The following THSD4 variants were observed in gnomAD, a reference collection of about 807,000 sequenced individuals.
The protein encoded by THSD4 is thrombospondin type 1 domain containing 4.
THSD4 carries 69 observed loss-of-function variants against 119.0 expected under a neutral mutation model. The ratio of observed to expected loss-of-function variants is 0.58; its 90% CI spans 0.48 to 0.71. The LOEUF is 0.71. THSD4 is among the 30% of genes least tolerant of loss of function. The pLI is 0.00. For synonymous variants in THSD4, 524 were observed against 540.4 expected, an observed-to-expected ratio of 0.97 and a Z score of 0.42; for missense variants, 1,393 against 1,391.1, an observed-to-expected ratio of 1.00 and a Z score of -0.02.
intron 11 of THSD4, among the ~76,000 whole-genome samples, chr15:71,738,396 A>C (rs908111439): frequency 1.4e-4 from 22 of 152,050 alleles, no homozygotes; most frequent in Admixed American, 1.2e-3. Context: ...GAAATGGCAA[A>C]CCCTCACCTC....
chr15:71,724,581 A>G (rs2052799213), intron 8 of THSD4, among the ~76,000 whole-genome samples: 1 of 26,328 alleles, frequency 3.8e-5, no homozygotes, highest in Non-Finnish European at 2.9e-3. Flanking sequence ...CACTACGCCC[A>G]GTCTTTTTTG....
intron 7 of THSD4, among the ~76,000 whole-genome samples, chr15:71,462,662 G>A (rs955643148): frequency 6.6e-6 from 1 of 152,164 alleles, no homozygotes; most frequent in Non-Finnish European, 1.5e-5. Flanking sequence ...TCTCTCTGGA[G>A]TAAAACCAAA....
chr15:71,358,709 G>A (rs1178850908), intron 6 of THSD4, among the ~76,000 whole-genome samples: 1 of 152,198 alleles, frequency 6.6e-6, no homozygotes, highest in African/African-American at 2.4e-5. Flanking sequence ...AATAGTGCCT[G>A]CTCAATTAGT....
At chr15:71,408,672 CA>C (rs2046640804) in intron 6 of THSD4, among the ~76,000 whole-genome samples, 1 of 152,022 alleles carries the variant, frequency 6.6e-6, no homozygotes, top group Admixed American at 6.6e-5. Flanking sequence ...GGCAACATGG[CA>C]AAACCCCATC....
chr15:71,450,362 A>G (rs2140579748), intron 7 of THSD4, among the ~76,000 whole-genome samples: 1 of 152,072 alleles, frequency 6.6e-6, no homozygotes, highest in African/African-American at 2.4e-5. Flanking sequence ...TTCTTGCTCT[A>G]ATTTTCACCT....
chr15:71,743,308 A>G (rs1183991966), intron 11 of THSD4, among the ~76,000 whole-genome samples: 1 of 152,228 alleles, frequency 6.6e-6, no homozygotes, highest in Non-Finnish European at 1.5e-5. Context: ...TTTGAGTGCC[A>G]AGTGGTTGAG....
intron 7 of THSD4, among the ~76,000 whole-genome samples, chr15:71,516,402 G>A (rs576707301): frequency 2.2e-4 from 33 of 152,102 alleles, no homozygotes; most frequent in African/African-American, 7.5e-4. Flanking sequence ...TTAAAATACC[G>A]TAAATCCCTG....
At chr15:71,308,671 G>A (rs537201860) in intron 6 of THSD4, among the ~76,000 whole-genome samples, 1 of 152,214 alleles carries the variant, frequency 6.6e-6, no homozygotes, top group African/African-American at 2.4e-5. Context: ...TATGGACATG[G>A]GTTGTTTCCA....
At chr15:71,729,481 T>C (rs1351385017) in intron 9 of THSD4, 1 of 152,234 alleles carries the variant, frequency 6.6e-6, no homozygotes, top group Admixed American at 6.5e-5. Flanking sequence ...CTGATTAACA[T>C]ATTTGCTGTG....
intron 6 of THSD4, among the ~76,000 whole-genome samples, chr15:71,351,199 A>G (rs3942317): frequency 0.99 from 150,978 of 152,248 alleles, 74,868 homozygotes; most frequent in Middle Eastern, 1. Context: ...ATCACAGGCC[A>G]TGAGCACTGC....
rs555153153 is a variant in THSD4 at position 71,407,714 on chromosome 15, A to T, written c.1016-3973A>T. 1.1e-4 allele frequency among the ~76,000 whole-genome samples: 16 copies of T among 152,170 alleles called. No homozygotes were observed. In the East Asian group the frequency reaches 3.1e-3, roughly 29 times the overall value. ...ATTATCTTTTAAATTCAGGCGTGGG[A>T]TCTGAATATCTTTGATTCAAAATAA... On this transcript the variant is annotated intron_variant, in intron 6 of 17. Transcript: ENST00000261862.
At chr15:71,345,577 G>A (rs1212895756) in intron 6 of THSD4, among the ~76,000 whole-genome samples, 1 of 152,200 alleles carries the variant, frequency 6.6e-6, no homozygotes, top group African/African-American at 2.4e-5. Context: ...GATCTCTGGG[G>A]TGGCTTCTCT....
At chr15:71,642,979 G>T (rs1407714119) in intron 7 of THSD4, among the ~76,000 whole-genome samples, 1 of 152,028 alleles carries the variant, frequency 6.6e-6, no homozygotes, top group Non-Finnish European at 1.5e-5. Flanking sequence ...AAGAGTCTAG[G>T]TTCTGGGACT....
chr15:71,713,930 C>T (rs997678230), intron 8 of THSD4, among the ~76,000 whole-genome samples: 7 of 152,072 alleles, frequency 4.6e-5, no homozygotes, highest in Non-Finnish European at 5.9e-5. Flanking sequence ...TGTCCAGTTG[C>T]CCCCACACCT....
At chr15:71,439,134 G>A (rs2047054425) in intron 7 of THSD4, among the ~76,000 whole-genome samples, 1 of 152,160 alleles carries the variant, frequency 6.6e-6, no homozygotes, top group African/African-American at 2.4e-5. Flanking sequence ...ATTTGACATG[G>A]AAAAACAAAT....
chr15:71,256,213 G>A (rs1196446478), intron 5 of THSD4, among the ~76,000 whole-genome samples: 4 of 152,130 alleles, frequency 2.6e-5, no homozygotes, highest in Non-Finnish European at 5.9e-5. Flanking sequence ...GGTGGCTGAC[G>A]CCTGTAATCC....
chr15:71,250,855 G>A (rs1023721914), intron 5 of THSD4, among the ~76,000 whole-genome samples: 1 of 152,060 alleles, frequency 6.6e-6, no homozygotes, highest in African/African-American at 2.4e-5. Context: ...TTGGGGCTTT[G>A]ATGTAGGTAT....
intron 7 of THSD4, among the ~76,000 whole-genome samples, chr15:71,447,118 G>GTTTTTTTTTTTT (rs1555414736): frequency 1.3e-5 from 1 of 76,070 alleles, no homozygotes; most frequent in African/African-American, 4.7e-5. Flanking sequence ...CATTTTTTTT[G>GTTTTTTTTTTTT]TTTTTTTTTT....
chr15:71,726,659 T>A (rs2052845008), intron 8 of THSD4, among the ~76,000 whole-genome samples: 1 of 152,182 alleles, frequency 6.6e-6, no homozygotes. Context: ...GACCTTCGGC[T>A]GGGCGCAGTG....
Sources: gnomAD v4.1 joint callset for allele counts (sites outside exome capture counted in the v4.1 genomes callset) on GRCh38, gnomAD v4.1.1 for gene constraint, MANE v1.5 for transcripts, NCBI Gene and HGNC (gene_info 2026-07-23, HGNC 2026-07-21) for gene names.